PCDH15: variants seen among roughly 807,000 people sequenced by gnomAD.
The protein encoded by PCDH15 is protocadherin-15.
PCDH15 carries 129 observed loss-of-function variants against 178.5 expected under a neutral mutation model. That is an observed-to-expected ratio of 0.72 (90% CI 0.63 to 0.84). The LOEUF is 0.84. Ranked by LOEUF, PCDH15 falls within the 40% of genes least tolerant of loss-of-function variation. The pLI, the probability that PCDH15 is intolerant of heterozygous loss-of-function variation, is 0.00. For missense variants in PCDH15, 2,230 were observed against 2,099.9 expected, an observed-to-expected ratio of 1.06 and a Z score of -1.21; for synonymous variants, 800 against 732.0, an observed-to-expected ratio of 1.09 and a Z score of -1.50.
In PCDH15 at chr10:54,968,441, A is replaced by ATT. The variant is rs56262769; in HGVS notation, c.-79-70943_-79-70942dup. On this transcript the variant is annotated intron_variant, in intron 2 of 5. Coordinates refer to the PCDH15 transcript ENST00000458638. ...TACAGACTATGGTTTATAGATTGAC[A>ATT]TTTTTTTTTTCTTTTCAGGATTCTA... 3.3e-3 allele frequency among the ~76,000 whole-genome samples: 488 copies of ATT among 149,748 alleles called. 1 individual carries two copies. Among genetic ancestry groups the ATT allele is most frequent in the African/African-American group, 8.0e-3 (326 of 40,978 alleles).
intron 23 of PCDH15, among the ~76,000 whole-genome samples, chr10:53,953,887 T>A (rs1282099487): frequency 2.6e-5 from 4 of 152,166 alleles, no homozygotes; most frequent in Non-Finnish European, 4.4e-5. Context: ...CCTCTTGGGT[T>A]CATGCCATTC....
At chr10:54,602,882 G>A (rs965522669) in intron 2 of PCDH15, among the ~76,000 whole-genome samples, 1 of 151,782 alleles carries the variant, frequency 6.6e-6, no homozygotes, top group African/African-American at 2.4e-5. Context: ...ATTTTATTGA[G>A]CATTTCTGAG....
chr10:54,010,890 C>T (rs887650431), intron 20 of PCDH15, among the ~76,000 whole-genome samples: 1 of 152,172 alleles, frequency 6.6e-6, no homozygotes, highest in African/African-American at 2.4e-5. Flanking sequence ...TTTGTGTTTC[C>T]TTAAGGAGGG....
chr10:54,700,627 G>T (rs991772315), intron 1 of PCDH15, among the ~76,000 whole-genome samples: 1 of 152,048 alleles, frequency 6.6e-6, no homozygotes. Flanking sequence ...CAGAGGTTAA[G>T]TCTGGTACTA....
intron 2 of PCDH15, among the ~76,000 whole-genome samples, chr10:55,582,737 G>A (rs1352244091): frequency 6.7e-6 from 1 of 149,682 alleles, no homozygotes; most frequent in Admixed American, 6.7e-5. Context: ...TGAAAATGTG[G>A]CTTCGAATAA....
intron 16 of PCDH15, among the ~76,000 whole-genome samples, chr10:54,089,081 T>C (rs2094558593): frequency 6.6e-6 from 1 of 152,236 alleles, no homozygotes; most frequent in Non-Finnish European, 1.5e-5. Context: ...TTCTTGTCTA[T>C]AGTTTCCCAG....
At chr10:53,924,557 A>T (rs1186844733) in intron 25 of PCDH15, among the ~76,000 whole-genome samples, 1 of 152,218 alleles carries the variant, frequency 6.6e-6, no homozygotes, top group Non-Finnish European at 1.5e-5. Context: ...AGGGCTGAGG[A>T]GTGCGGGTGC....
chr10:53,996,832 C>T (rs899358692), intron 20 of PCDH15, among the ~76,000 whole-genome samples: 5 of 152,046 alleles, frequency 3.3e-5, no homozygotes, highest in African/African-American at 1.2e-4. Context: ...GAACTGAAAC[C>T]TAAATTTGTT....
chr10:54,253,494 T>C (rs2056664517), intron 8 of PCDH15, among the ~76,000 whole-genome samples: 1 of 152,052 alleles, frequency 6.6e-6, no homozygotes, highest in Admixed American at 6.6e-5. Flanking sequence ...TCTAGTTCTG[T>C]ATCATCCAGC....
At position 54,408,790 on chromosome 10, in the gene PCDH15, A is replaced by C. The variant is rs1953047480; in HGVS notation, c.158-29848T>G. Among the ~76,000 whole-genome samples, 4 of 152,288 alleles carry C rather than the reference A, an allele frequency of 2.6e-5. No individual in the cohort carries two copies. In the South Asian group the frequency reaches 8.3e-4, roughly 32 times the overall value. On this transcript the variant is annotated intron_variant, in intron 3 of 37. Coordinates refer to ENST00000644397, the MANE Select transcript of PCDH15 (RefSeq NM_001384140.1). Reference sequence around the variant, plus strand: ...CAGGTGTTACACTTTTTGCAGTTACAAATCGGGGTGGAAGTGCTGTGGTTC... The same window carrying C: ...CAGGTGTTACACTTTTTGCAGTTACCAATCGGGGTGGAAGTGCTGTGGTTC...
At chr10:53,958,104 T>G (rs2087814794) in intron 23 of PCDH15, among the ~76,000 whole-genome samples, 2 of 152,322 alleles carry the variant, frequency 1.3e-5, no homozygotes, top group Admixed American at 6.5e-5. Context: ...GTACCTTAGC[T>G]GCTGTTCTAG....
intron 3 of PCDH15, among the ~76,000 whole-genome samples, chr10:54,458,243 A>C (rs1294112055): frequency 1.3e-5 from 2 of 152,090 alleles, no homozygotes; most frequent in Non-Finnish European, 2.9e-5. Context: ...GCCCAACAGA[A>C]GCCCTTAGTC....
At chr10:55,171,726 A>G (rs560926765) in intron 1 of PCDH15, among the ~76,000 whole-genome samples, 4 of 152,182 alleles carry the variant, frequency 2.6e-5, no homozygotes, top group South Asian at 2.1e-4. Context: ...AGACTACACA[A>G]TTTTATGTCA....
intron 1 of PCDH15, among the ~76,000 whole-genome samples, chr10:54,730,114 C>T (rs1338867763): frequency 1.3e-5 from 2 of 151,534 alleles, no homozygotes; most frequent in African/African-American, 4.8e-5. Context: ...TTCACTGCAG[C>T]ACTACTTATA....
chr10:54,681,728 C>T (rs1427461810), intron 1 of PCDH15, among the ~76,000 whole-genome samples: 1 of 151,882 alleles, frequency 6.6e-6, no homozygotes, highest in Non-Finnish European at 1.5e-5. Context: ...CAACCAAATG[C>T]GGAGATAGGA....
chr10:54,873,684 A>G (rs1393325713), intron 3 of PCDH15, among the ~76,000 whole-genome samples: 1 of 112,274 alleles, frequency 8.9e-6, no homozygotes, highest in African/African-American at 3.5e-5. Flanking sequence ...ATCTGAAGAA[A>G]CTGCTGTATT....
chr10:54,751,534 C>T (rs1463564490), intron 1 of PCDH15, among the ~76,000 whole-genome samples: 1 of 151,990 alleles, frequency 6.6e-6, no homozygotes, highest in African/African-American at 2.4e-5. Context: ...ATATTGCACC[C>T]AGAAAAAACC....
intron 18 of PCDH15, among the ~76,000 whole-genome samples, chr10:54,061,364 C>A (rs1190144972): frequency 6.6e-6 from 1 of 152,172 alleles, no homozygotes; most frequent in East Asian, 1.9e-4. Flanking sequence ...TTCACTATTT[C>A]ATTAGGCCCC....
chr10:55,072,640 C>T (rs1335129503), intron 2 of PCDH15, among the ~76,000 whole-genome samples: 6 of 151,998 alleles, frequency 3.9e-5, no homozygotes, highest in Non-Finnish European at 7.4e-5. Flanking sequence ...CAGGACAAGA[C>T]GGATTCACAG....
Sources: allele counts gnomAD v4.1 joint callset (sites outside exome capture counted in the v4.1 genomes callset), GRCh38; gene constraint gnomAD v4.1.1; transcripts MANE v1.5; gene names NCBI Gene and HGNC (gene_info 2026-07-23, HGNC 2026-07-21).